The following NRROS variants were observed in gnomAD, a reference collection of about 807,000 sequenced individuals.
NRROS encodes the protein negative regulator of reactive oxygen species.
In NRROS, 6 loss-of-function variants were observed where a neutral mutation model predicts 12.0. That is an observed-to-expected ratio of 0.50 (90% CI 0.27 to 0.98). The LOEUF is 0.98. Ranked by LOEUF, NRROS falls within the 50% of genes least tolerant of loss-of-function variation. NRROS has a pLI of 0.11. For missense variants in NRROS, 857 were observed against 888.2 expected, an observed-to-expected ratio of 0.96 and a Z score of 0.45; for synonymous variants, 462 against 410.2, an observed-to-expected ratio of 1.13 and a Z score of -1.53.
In NRROS at chr3:196,643,229, C is replaced by T. The variant is rs1271601132; in HGVS notation, c.-14+3354C>T. On this transcript the variant is annotated intron_variant, in intron 1 of 2. Coordinates refer to ENST00000328557, the MANE Select transcript of NRROS (RefSeq NM_198565.3). ...GGAGAAACGAATGTGAGTGAGTAGG[C>T]GAAACCAACCAATTTCCAGAGCGAA... Among the ~76,000 whole-genome samples, 10 of 152,230 alleles carry T rather than the reference C, an allele frequency of 6.6e-5. No homozygotes were observed. The South Asian group carries it at 1.7e-3, about 25-fold the overall frequency.
At chr3:196,653,453 G>A (rs545759374) in intron 1 of NRROS, among the ~76,000 whole-genome samples, 34 of 152,320 alleles carry the variant, frequency 2.2e-4, no homozygotes, top group Admixed American at 1.2e-3. Flanking sequence ...AGCTGGTGCC[G>A]CTGGCCCAGG....
Position 196,659,867 on chromosome 3 carries a change from A to G in NRROS, c.224A>G (p.His75Arg). The G allele has an allele frequency of 6.2e-7, 1 of 1,613,658 alleles. No individual in the cohort carries two copies. The highest frequency in any genetic ancestry group is 1.1e-5 in the South Asian group (1 of 91,062). Reference protein sequence around the residue: ...DANPLKTLWNHSLQPYPLLES... With the variant: ...DANPLKTLWNRSLQPYPLLES... ...AACCCTCTCAAGACCCTGTGGAATCACTCCCTCCAGCCTTACCCTCTCCTG... is the reference window on the plus strand; with the variant it reads ...AACCCTCTCAAGACCCTGTGGAATCGCTCCCTCCAGCCTTACCCTCTCCTG... The change falls in exon 3 of 3, where the codon CAC becomes CGC. Residue 75 changes from histidine to arginine, a missense_variant. Physicochemically the swap from His to Arg is conservative, Grantham distance 29. Coordinates refer to ENST00000328557, the MANE Select transcript of NRROS (RefSeq NM_198565.3).
At chr3:196,641,244 T>A (rs1386786934) in intron 1 of NRROS, among the ~76,000 whole-genome samples, 2 of 152,148 alleles carry the variant, frequency 1.3e-5, no homozygotes, top group Non-Finnish European at 2.9e-5. Flanking sequence ...GACAGGCTCT[T>A]GCTCTGTTGC....
At chr3:196,655,641 G>A (rs575334487) in intron 2 of NRROS, among the ~76,000 whole-genome samples, 1 of 152,328 alleles carries the variant, frequency 6.6e-6, no homozygotes, top group South Asian at 2.1e-4. Context: ...CTGCCTCGGA[G>A]TTTGTGGACG....
chr3:196,660,629 A>G lies in NRROS; in HGVS notation c.986A>G (p.Asp329Gly). 1 of 1,614,186 alleles carries G rather than the reference A, an allele frequency of 6.2e-7. No individual in the cohort carries two copies. Among genetic ancestry groups the G allele is most frequent in the South Asian group, 1.1e-5 (1 of 91,088 alleles). ...GAATTCTCCTCCAGCGACCTCGCAG[A>G]TCTCCGCTTCCTGGACATGAGCCAG... ...WEEFSSSDLADLRFLDMSQNQ... is the reference protein window; with the variant it reads ...WEEFSSSDLAGLRFLDMSQNQ... Residue 329 changes from aspartate (D) to glycine (G), a missense_variant, in exon 3 of 3, where the codon GAT becomes GGT. Asp to Gly is a moderately conservative substitution (Grantham distance 94). Coordinates refer to ENST00000328557, the MANE Select transcript of NRROS (RefSeq NM_198565.3). This position sits in a 1 kb window ranked among gnomAD's most constrained non-coding sequence, Gnocchi z 7.7.
chr3:196,654,584 G>T lies in NRROS; in HGVS notation c.45G>T (p.Leu15=). Residue 15 remains leucine (L), a synonymous_variant, in exon 2 of 3, where the codon CTG becomes CTT. Transcript: ENST00000328557. The surrounding 1 kb of genome is among the most constrained non-coding windows in gnomAD (Gnocchi z 4.4). ...PLWLCLGFHF[L]TVGWRNRSGT... The stretch of plus-strand genomic sequence containing the variant: ...GGCTCTGCCTGGGTTTTCACTTCCT[G>T]ACCGTGGGCTGGAGGAACAGAAGCG... The T allele has an allele frequency of 6.2e-7, 1 of 1,614,120 alleles. No individual in the cohort carries two copies. Among genetic ancestry groups the T allele is most frequent in the South Asian group, 1.1e-5 (1 of 91,074 alleles).
In NRROS at chr3:196,661,122, A is replaced by G; in HGVS notation, c.1479A>G (p.Ser493=). Reference sequence around the variant, plus strand: ...CCTCCCTGACCTACTTAGACCTCTCAAGCAACTGGGGGGTTCTGAATGGGA... The same window carrying G: ...CCTCCCTGACCTACTTAGACCTCTCGAGCAACTGGGGGGTTCTGAATGGGA... ...QGTSLTYLDL[S]SNWGVLNGSL... Residue 493 remains serine (S), a synonymous_variant, in exon 3 of 3, where the codon TCA becomes TCG. Transcript: ENST00000328557. The G allele has an allele frequency of 6.2e-7, 1 of 1,613,548 alleles. No homozygotes were observed. Among genetic ancestry groups the G allele is most frequent in the Non-Finnish European group, 8.5e-7 (1 of 1,179,584 alleles).
At chr3:196,646,772 G>A (rs954099433) in intron 1 of NRROS, among the ~76,000 whole-genome samples, 4 of 152,164 alleles carry the variant, frequency 2.6e-5, no homozygotes, top group South Asian at 2.1e-4. Flanking sequence ...CTCTCGCCAC[G>A]AGCCCCGGTA....
chr3:196,646,814 G>T (rs73083018), intron 1 of NRROS, among the ~76,000 whole-genome samples: 2,330 of 152,314 alleles, frequency 0.015, 50 homozygotes, highest in African/African-American at 0.054. Flanking sequence ...CCGGAGAACC[G>T]GGTGGGAACC....
chr3:196,659,342 C>T (rs895426159), intron 2 of NRROS, among the ~76,000 whole-genome samples: 2 of 148,978 alleles, frequency 1.3e-5, no homozygotes, highest in African/African-American at 5.0e-5. Flanking sequence ...GCTCTGTCGC[C>T]CAGGCTGGAG....
Position 196,659,733 on chromosome 3 carries a change from GGT to G in NRROS, c.109-15_109-14del. ...CCTCTGGGCCTCCTCGCTGCTGACC[GGT>G]GTGGTTTTGGCCGCAGGTGGGTGGA... is the stretch of plus-strand genomic sequence containing the variant. On this transcript the variant is annotated splice_polypyrimidine_tract_variant and intron_variant, in intron 2 of 2. Coordinates refer to ENST00000328557, the MANE Select transcript of NRROS (RefSeq NM_198565.3). 6.3e-7 allele frequency: 1 copy of G among 1,595,958 alleles called. No individual in the cohort carries two copies. Among genetic ancestry groups the G allele is most frequent in the South Asian group, 1.1e-5 (1 of 88,764 alleles).
chr3:196,644,770 A>C (rs1737275375), intron 1 of NRROS, among the ~76,000 whole-genome samples: 1 of 5,840 alleles, frequency 1.7e-4, no homozygotes, highest in Non-Finnish European at 3.3e-4. Context: ...AGACTCTGTC[A>C]AAAAAAAAAA....
chr3:196,661,680 T>C lies in NRROS; in HGVS notation c.2037T>C (p.Leu679=). The C allele has an allele frequency of 6.2e-7, 1 of 1,601,890 alleles. No individual in the cohort carries two copies. The highest frequency in any genetic ancestry group is 8.5e-7 in the Non-Finnish European group (1 of 1,178,954). The stretch of plus-strand genomic sequence containing the variant: ...TCCTCACTTTTAAGAAGCCTCTGCT[T>C]CAGGTCATCAAGAGCCGCTGCCACT... ...VIVLTFKKPL[L]QVIKSRCHWS... Residue 679 remains leucine, a synonymous_variant, in exon 3 of 3, where the codon CTT becomes CTC. Coordinates refer to ENST00000328557, the MANE Select transcript of NRROS (RefSeq NM_198565.3).
At chr3:196,658,611 C>T (rs1436247584) in intron 2 of NRROS, among the ~76,000 whole-genome samples, 3 of 152,182 alleles carry the variant, frequency 2.0e-5, no homozygotes, top group Non-Finnish European at 4.4e-5. Context: ...GCAACCACTG[C>T]CCTTGTATTA....
In NRROS at chr3:196,660,696, G is replaced by A; in HGVS notation, c.1053G>A (p.Met351Ile). 1 of 1,614,138 alleles carries A rather than the reference G, an allele frequency of 6.2e-7. No homozygotes were observed. Among genetic ancestry groups the A allele is most frequent in the Middle Eastern group, 1.7e-4 (1 of 6,060 alleles). The change falls in exon 3 of 3, where the codon ATG (methionine) becomes ATA (isoleucine). Residue 351 changes from methionine to isoleucine, a missense_variant. Transcript: ENST00000328557. The surrounding 1 kb of genome is among the most constrained non-coding windows in gnomAD (Gnocchi z 7.7). ...TGCCAGACGGCTTCCTGAGGAAAAT[G>A]CCTTCCCTCTCCCACCTGAACCTCC... ...QYLPDGFLRK[M>I]PSLSHLNLHQ...
chr3:196,644,769 CAAAAAAAA>C (rs57304721), intron 1 of NRROS, among the ~76,000 whole-genome samples: 2 of 109,208 alleles, frequency 1.8e-5, no homozygotes, highest in African/African-American at 7.8e-5. Flanking sequence ...GAGACTCTGT[CAAAAAAAA>C]AAAAAAAAAA....
At chr3:196,650,556 C>T (rs959082115) in intron 1 of NRROS, among the ~76,000 whole-genome samples, 1 of 152,240 alleles carries the variant, frequency 6.6e-6, no homozygotes, top group Non-Finnish European at 1.5e-5. Flanking sequence ...GCTGGGATTA[C>T]AGGCGTAAGC....
intron 2 of NRROS, among the ~76,000 whole-genome samples, chr3:196,659,235 T>C (rs745946843): frequency 6.6e-6 from 1 of 151,114 alleles, no homozygotes; most frequent in South Asian, 2.1e-4. Flanking sequence ...GCTCTTCACT[T>C]CTCCCCTCCA....
At chr3:196,647,944 C>T (rs1442931027) in intron 1 of NRROS, among the ~76,000 whole-genome samples, 1 of 152,154 alleles carries the variant, frequency 6.6e-6, no homozygotes, top group African/African-American at 2.4e-5. Flanking sequence ...TCAGGTGATC[C>T]ACCCACCTCG....
Sources: allele counts gnomAD v4.1 joint callset (sites outside exome capture counted in the v4.1 genomes callset), GRCh38; gene constraint gnomAD v4.1.1; non-coding constraint Gnocchi (gnomAD v3.1); transcripts MANE v1.5; gene names NCBI Gene and HGNC (gene_info 2026-07-23, HGNC 2026-07-21).